KLF8: variants seen among roughly 807,000 people sequenced by gnomAD.
KLF8 encodes the protein Krueppel-like factor 8.
In KLF8, 10 loss-of-function variants were observed where a neutral mutation model predicts 18.2. That is an observed-to-expected ratio of 0.55 (90% CI 0.34 to 0.93). The LOEUF (loss-of-function observed/expected upper bound fraction) is 0.93. KLF8 is among the 40% of genes least tolerant of loss of function. The pLI, the probability that KLF8 is intolerant of heterozygous loss-of-function variation, is 0.02. For missense variants in KLF8, 264 were observed against 277.9 expected, an observed-to-expected ratio of 0.95 and a Z score of 0.36; for synonymous variants, 109 against 97.3, an observed-to-expected ratio of 1.12 and a Z score of -0.71.
At chrX:56,179,253 A>G in the KLF8 span, among the ~76,000 whole-genome samples, 10 of 111,871 alleles carry the variant, frequency 8.9e-5, no homozygotes, top group Non-Finnish European at 1.9e-4. Context: ...CTTAGTAGCA[A>G]TTGTGAATTG....
Position 56,277,194 on chromosome X carries a change from C to T in KLF8, c.898+6873C>T, listed in dbSNP as rs1473124564. On this transcript the variant is annotated intron_variant, in intron 5 of 5. Transcript: ENST00000468660. ...GGTTCATTTGGTTTGGTCATGTTTT[C>T]CTGGATCGTCTTGATGCTTGTAGAT... Among the ~76,000 whole-genome samples, 14 of 111,797 alleles carry T rather than the reference C, an allele frequency of 1.3e-4. No individual in the cohort carries two copies. In the Admixed American group the frequency reaches 1.3e-3, roughly 11 times the overall value.
chrX:56,044,349 C>T, the KLF8 span, among the ~76,000 whole-genome samples: 1 of 112,176 alleles, frequency 8.9e-6, no homozygotes, highest in East Asian at 2.8e-4. Flanking sequence ...TGTTGTGTTG[C>T]AGGGTTTACT....
At chrX:56,109,709 T>C in the KLF8 span, among the ~76,000 whole-genome samples, 1 of 112,089 alleles carries the variant, frequency 8.9e-6, no homozygotes, top group African/African-American at 3.2e-5. Context: ...TCTTGTTAGA[T>C]TGACCTTTTA....
chrX:56,215,379 C>T, the KLF8 span, among the ~76,000 whole-genome samples: 1 of 111,369 alleles, frequency 9.0e-6, no homozygotes, highest in African/African-American at 3.3e-5. Context: ...TCATTTCATT[C>T]TAAAATACTT....
At chrX:56,050,259 C>G in the KLF8 span, among the ~76,000 whole-genome samples, 2 of 111,584 alleles carry the variant, frequency 1.8e-5, no homozygotes, top group Non-Finnish European at 3.8e-5. Flanking sequence ...TTTTGTGTCT[C>G]TATTTCCTTC....
chrX:56,198,023 T>C, the KLF8 span, among the ~76,000 whole-genome samples: 1 of 111,945 alleles, frequency 8.9e-6, no homozygotes, highest in African/African-American at 3.2e-5. Flanking sequence ...AAAAGGCCTT[T>C]GACAAAATTC....
At chrX:56,031,596 C>CA in the KLF8 span, among the ~76,000 whole-genome samples, 3 of 111,801 alleles carry the variant, frequency 2.7e-5, no homozygotes, top group Admixed American at 2.8e-4. Context: ...CTCTTTGGAT[C>CA]ATGTCGCTCG....
chrX:56,174,196 AG>A, the KLF8 span, among the ~76,000 whole-genome samples: 1 of 111,802 alleles, frequency 8.9e-6, no homozygotes, highest in Non-Finnish European at 1.9e-5. Context: ...GAATGCTTCC[AG>A]TTTTTGCCCA....
chrX:56,191,820 A>C, the KLF8 span, among the ~76,000 whole-genome samples: 1 of 111,434 alleles, frequency 9.0e-6, no homozygotes, highest in Admixed American at 9.6e-5. Context: ...TATTGATAGA[A>C]TATACCTCCG....
chrX:56,219,282 C>G, the KLF8 span, among the ~76,000 whole-genome samples: 3 of 111,932 alleles, frequency 2.7e-5, no homozygotes, highest in Non-Finnish European at 5.6e-5. Context: ...CAGGACCCAT[C>G]TGTGATAGTC....
At chrX:56,215,278 G>A in the KLF8 span, among the ~76,000 whole-genome samples, 1 of 111,896 alleles carries the variant, frequency 8.9e-6, no homozygotes, top group African/African-American at 3.2e-5. Context: ...TGTAGAGATG[G>A]CTAATTAATT....
chrX:56,052,873 C>A, the KLF8 span, among the ~76,000 whole-genome samples: 5 of 111,486 alleles, frequency 4.5e-5, no homozygotes, highest in African/African-American at 9.8e-5. Context: ...CAGCCTCCTG[C>A]GGCCTTGCAG....
chrX:56,201,203 C>A, the KLF8 span, among the ~76,000 whole-genome samples: 1 of 111,862 alleles, frequency 8.9e-6, no homozygotes, highest in African/African-American at 3.2e-5. Context: ...GACAAGAAAA[C>A]AACCTAAATG....
the KLF8 span, among the ~76,000 whole-genome samples, chrX:56,184,114 C>G: frequency 8.9e-6 from 1 of 112,439 alleles, no homozygotes; most frequent in African/African-American, 3.2e-5. Context: ...GTTCCCTTTC[C>G]TAGTCAAAGA....
chrX:55,932,657 G>C, the KLF8 span, among the ~76,000 whole-genome samples: 2 of 111,757 alleles, frequency 1.8e-5, no homozygotes, highest in Non-Finnish European at 3.8e-5. Context: ...GAAATTCTGG[G>C]TTGAAAATTA....
chrX:55,946,228 T>G, the KLF8 span, among the ~76,000 whole-genome samples: 2 of 111,553 alleles, frequency 1.8e-5, no homozygotes, highest in Non-Finnish European at 3.8e-5. Flanking sequence ...CTACCTGACT[T>G]CAAACTATAC....
At chrX:56,266,658 G>C in intron 3 of KLF8, 2 of 752,997 alleles carry the variant, frequency 2.7e-6, no homozygotes, top group Non-Finnish European at 3.1e-6. Context: ...TCCTCCCAGA[G>C]GTATATCTGT....
chrX:56,060,248 T>C, the KLF8 span, among the ~76,000 whole-genome samples: 1 of 112,066 alleles, frequency 8.9e-6, no homozygotes, highest in Non-Finnish European at 1.9e-5. Flanking sequence ...AGAGAGGGCA[T>C]CCTTGTCTTG....
the KLF8 span, among the ~76,000 whole-genome samples, chrX:56,011,904 A>T: frequency 8.9e-6 from 1 of 111,779 alleles, no homozygotes; most frequent in Non-Finnish European, 1.9e-5. Flanking sequence ...AGACTAAAAC[A>T]GGAAGAAGTT....
Sources: gnomAD v4.1 joint callset for allele counts (sites outside exome capture counted in the v4.1 genomes callset) on GRCh38, gnomAD v4.1.1 for gene constraint, MANE v1.5 for transcripts, NCBI Gene and HGNC (gene_info 2026-07-23, HGNC 2026-07-21) for gene names.